The following GALNT7 variants were observed in gnomAD, a reference collection of about 807,000 sequenced individuals.
GALNT7 encodes the protein N-acetylgalactosaminyltransferase 7.
In GALNT7, 60 loss-of-function variants were observed where a neutral mutation model predicts 82.1. The ratio of observed to expected loss-of-function variants is 0.73; its 90% CI spans 0.59 to 0.91. The LOEUF (loss-of-function observed/expected upper bound fraction) is 0.91. Ranked by LOEUF, GALNT7 falls within the 40% of genes least tolerant of loss-of-function variation. The probability of loss-of-function intolerance (pLI) is 0.00; values close to 1 mark genes in which losing one functional copy is unlikely to be tolerated. For missense variants in GALNT7, 660 were observed against 804.2 expected, an observed-to-expected ratio of 0.82 and a Z score of 2.17; for synonymous variants, 243 against 275.1, an observed-to-expected ratio of 0.88 and a Z score of 1.15.
intron 4 of GALNT7, 92 bp from the exon 5 acceptor site, chr4:173,295,672 C>A (rs2126835643): frequency 8.8e-7 from 1 of 1,134,330 alleles, no homozygotes; most frequent in Non-Finnish European, 1.3e-6. Context: ...GACTATAATG[C>A]TAATTTTTAT....
intron 1 of GALNT7, among the ~76,000 whole-genome samples, chr4:173,178,044 TGTGTGTGTGC>T (rs1332010696): frequency 4.6e-5 from 5 of 109,088 alleles, no homozygotes; most frequent in South Asian, 3.2e-4. Context: ...TGTGTGTGTG[TGTGTGTGTGC>T]GCGCACGCGC....
chr4:173,259,172 T>A (rs1735160717), intron 2 of GALNT7, among the ~76,000 whole-genome samples: 1 of 152,150 alleles, frequency 6.6e-6, no homozygotes, highest in Non-Finnish European at 1.5e-5. Context: ...GGTAATGTTA[T>A]GGGAGGAGGG....
intron 1 of GALNT7, among the ~76,000 whole-genome samples, chr4:173,195,003 A>G (rs1732735493): frequency 6.6e-6 from 1 of 152,220 alleles, no homozygotes; most frequent in Non-Finnish European, 1.5e-5. Flanking sequence ...ATCAGTGAGT[A>G]AGTGACATAT....
At chr4:173,172,228 G>A (rs2126614635) in intron 1 of GALNT7, among the ~76,000 whole-genome samples, 1 of 152,290 alleles carries the variant, frequency 6.6e-6, no homozygotes, top group East Asian at 1.9e-4. Context: ...TTCTTCTCCC[G>A]TGATTCTTCC....
intron 6 of GALNT7, among the ~76,000 whole-genome samples, chr4:173,298,985 T>C (rs1203906050): frequency 2.0e-5 from 3 of 152,256 alleles, no homozygotes; most frequent in Non-Finnish European, 4.4e-5. Flanking sequence ...TCTTTTGATC[T>C]TGTAATTAGA....
chr4:173,206,948 G>C, intron 1 of GALNT7, among the ~76,000 whole-genome samples: 1 of 152,154 alleles, frequency 6.6e-6, no homozygotes, highest in Non-Finnish European at 1.5e-5. Context: ...CAGGGCCTTT[G>C]TGCAAAAGGG....
rs552700929 is a variant in GALNT7, at chr4:173,211,975, G to C, written c.127-36005G>C. The stretch of plus-strand genomic sequence containing the variant: ...CATATCTTTAATAACAAGGCTGCCA[G>C]ATATCAGCAGGCAGTGTGGTTGACT... On this transcript the variant is annotated intron_variant, in intron 1 of 11. Coordinates refer to ENST00000265000, the MANE Select transcript of GALNT7 (RefSeq NM_017423.3). Among the ~76,000 whole-genome samples the C allele has an allele frequency of 2.6e-5, 4 of 152,334 alleles. 1 individual carries two copies. In the South Asian group the frequency reaches 6.2e-4, roughly 24 times the overall value.
intron 8 of GALNT7, 73 bp downstream of exon 8, chr4:173,304,191 C>A: frequency 1.5e-6 from 2 of 1,305,424 alleles, no homozygotes; most frequent in Non-Finnish European, 2.1e-6. Context: ...AGTTACTTAA[C>A]AATTGTCAGC....
At chr4:173,295,322 G>T in intron 3 of GALNT7, 74 bp from the exon 4 acceptor site, 3 of 1,075,860 alleles carry the variant, frequency 2.8e-6, no homozygotes, top group Middle Eastern at 2.1e-4. Flanking sequence ...CTGTATTCTT[G>T]TTTCCTGAGA....
intron 2 of GALNT7, among the ~76,000 whole-genome samples, chr4:173,275,381 G>A (rs1215026007): frequency 6.6e-6 from 1 of 152,172 alleles, no homozygotes; most frequent in Non-Finnish European, 1.5e-5. Context: ...GATAAGAAAG[G>A]TGTTGTCATG....
At chr4:173,271,961 T>G (rs1215177547) in intron 2 of GALNT7, among the ~76,000 whole-genome samples, 1 of 152,226 alleles carries the variant, frequency 6.6e-6, no homozygotes, top group Non-Finnish European at 1.5e-5. Context: ...TTGGGACATT[T>G]GGATTATTTT....
At chr4:173,315,635 C>T (rs1737571849) in intron 9 of GALNT7, among the ~76,000 whole-genome samples, 1 of 152,070 alleles carries the variant, frequency 6.6e-6, no homozygotes, top group East Asian at 1.9e-4. Flanking sequence ...TCTCTCTGTA[C>T]TTCTTGCTTT....
intron 2 of GALNT7, among the ~76,000 whole-genome samples, chr4:173,281,679 T>A (rs1736114527): frequency 6.6e-6 from 1 of 152,198 alleles, no homozygotes; most frequent in East Asian, 1.9e-4. Context: ...CCACCTTCTA[T>A]TGGATAGTCT....
intron 1 of GALNT7, among the ~76,000 whole-genome samples, chr4:173,210,408 T>A (rs1733241425): frequency 6.6e-6 from 1 of 152,188 alleles, no homozygotes; most frequent in Non-Finnish European, 1.5e-5. Context: ...TGCACAAATC[T>A]CTATCAAAAG....
intron 1 of GALNT7, among the ~76,000 whole-genome samples, chr4:173,208,589 A>G (rs10213525): frequency 0.44 from 66,110 of 151,698 alleles, 15,289 homozygotes; most frequent in East Asian, 0.67. Context: ...TTCTTCCTCC[A>G]TAATCTACAC....
chr4:173,301,900 A>G (rs1736955087), intron 6 of GALNT7, 147 bp from the exon 7 acceptor site: 1 of 557,630 alleles, frequency 1.8e-6, no homozygotes, highest in Non-Finnish European at 3.2e-6. Context: ...CTTTTTTTGT[A>G]AAGGCTTTAT....
In GALNT7 at chr4:173,275,273, G is replaced by C. The variant is rs141326351; in HGVS notation, c.588-16835G>C. On this transcript the variant is annotated intron_variant, in intron 2 of 11. Coordinates refer to ENST00000265000, the MANE Select transcript of GALNT7 (RefSeq NM_017423.3). ...GCAAGCTGAATGGTCCAATGACGAT[G>C]TGACCTTTAAGAAGCCTCTGGCTTC... is the stretch of plus-strand genomic sequence containing the variant. Among the ~76,000 whole-genome samples the C allele has an allele frequency of 3.7e-3, 556 of 152,318 alleles. 4 individuals are homozygous for C. Among genetic ancestry groups the C allele is most frequent in the African/African-American group, 0.013 (534 of 41,562 alleles).
intron 1 of GALNT7, among the ~76,000 whole-genome samples, chr4:173,177,438 G>T (rs998364360): frequency 6.6e-6 from 1 of 152,214 alleles, no homozygotes; most frequent in African/African-American, 2.4e-5. Context: ...ATTGGCCAGA[G>T]GGTGGTGTCT....
chr4:173,300,751 C>G (rs79848179), intron 6 of GALNT7, among the ~76,000 whole-genome samples: 4,648 of 152,012 alleles, frequency 0.031, 109 homozygotes, highest in Non-Finnish European at 0.049. Flanking sequence ...ATAAAGGACA[C>G]AAGCTCGGGA....
Sources: gnomAD v4.1 joint callset for allele counts (sites outside exome capture counted in the v4.1 genomes callset) on GRCh38, gnomAD v4.1.1 for gene constraint, MANE v1.5 for transcripts, NCBI Gene and HGNC (gene_info 2026-07-23, HGNC 2026-07-21) for gene names.